KIAA0825: variants seen among roughly 807,000 people sequenced by gnomAD.
KIAA0825 encodes the protein uncharacterized protein KIAA0825.
In KIAA0825, 119 loss-of-function variants were observed where a neutral mutation model predicts 147.6. The ratio of observed to expected loss-of-function variants is 0.81; its 90% CI spans 0.69 to 0.94. KIAA0825 has a LOEUF of 0.94. Among genes scored for constraint, KIAA0825 ranks in the 40% least tolerant of loss-of-function variants. KIAA0825 has a pLI of 0.00. For missense variants in KIAA0825, 1,381 were observed against 1,472.7 expected, an observed-to-expected ratio of 0.94 and a Z score of 1.02; for synonymous variants, 470 against 518.1, an observed-to-expected ratio of 0.91 and a Z score of 1.26.
intron 20 of KIAA0825, among the ~76,000 whole-genome samples, chr5:94,208,303 T>G (rs1031432096): frequency 2.0e-5 from 3 of 152,230 alleles, no homozygotes; most frequent in African/African-American, 4.8e-5. Flanking sequence ...ATGAGAATTC[T>G]GAGCATAAAG....
intron 20 of KIAA0825, among the ~76,000 whole-genome samples, chr5:94,169,441 G>C (rs936397253): frequency 3.9e-5 from 6 of 152,018 alleles, no homozygotes; most frequent in Non-Finnish European, 8.8e-5. Flanking sequence ...AATTAGCGGG[G>C]CATGGTGGCA....
chr5:94,163,572 A>G (rs1018258891), intron 20 of KIAA0825, among the ~76,000 whole-genome samples: 2 of 152,280 alleles, frequency 1.3e-5, no homozygotes, highest in East Asian at 3.9e-4. Flanking sequence ...TTTGATGTAA[A>G]GAGGATGTTA....
chr5:94,239,473 C>T lies in KIAA0825; in HGVS notation c.3711-85349G>A, dbSNP rs73139361. On this transcript the variant is annotated intron_variant, in intron 20 of 20. Coordinates refer to ENST00000682413, the MANE Select transcript of KIAA0825 (RefSeq NM_001145678.3). ...AGTATTTTGTTACTGTTTCTGCACT[C>T]TAAATAGCCCTGTGTAAAGGCACAT... 9.3e-3 allele frequency among the ~76,000 whole-genome samples: 1,412 copies of T among 152,292 alleles called. 23 individuals carry two copies. Among genetic ancestry groups the T allele is most frequent in the African/African-American group, 0.032 (1,326 of 41,544 alleles).
intron 2 of KIAA0825, among the ~76,000 whole-genome samples, chr5:94,543,814 AC>A (rs35759633): frequency 1.3e-5 from 2 of 152,258 alleles, no homozygotes; most frequent in African/African-American, 2.4e-5. Flanking sequence ...CACAAGAGTG[AC>A]CCCGGTCATC....
chr5:94,542,524 C>T (rs923242845), intron 2 of KIAA0825, among the ~76,000 whole-genome samples: 8 of 152,136 alleles, frequency 5.3e-5, no homozygotes, highest in Admixed American at 1.3e-4. Flanking sequence ...AATCTGTTTT[C>T]GGCCGGGCAC....
chr5:94,210,363 T>C (rs1772594429), intron 20 of KIAA0825, among the ~76,000 whole-genome samples: 1 of 152,172 alleles, frequency 6.6e-6, no homozygotes, highest in African/African-American at 2.4e-5. Context: ...AGAAAATCCT[T>C]ATAACATAAT....
chr5:94,442,196 A>C (rs900084026), intron 13 of KIAA0825, among the ~76,000 whole-genome samples: 2 of 152,202 alleles, frequency 1.3e-5, no homozygotes, highest in Non-Finnish European at 2.9e-5. Context: ...AAAATGAAAA[A>C]GTCTCGAAGC....
chr5:94,171,300 G>A (rs115038248), intron 20 of KIAA0825, among the ~76,000 whole-genome samples: 256 of 152,228 alleles, frequency 1.7e-3, no homozygotes, highest in African/African-American at 5.9e-3. Context: ...CTTGTAAGAC[G>A]TGACTTGCTC....
intron 18 of KIAA0825, among the ~76,000 whole-genome samples, chr5:94,389,193 C>T (rs778517058): frequency 6.6e-6 from 1 of 152,138 alleles, no homozygotes; most frequent in African/African-American, 2.4e-5. Flanking sequence ...GATTGAGGCC[C>T]TTTGTTTTGG....
chr5:94,259,955 G>A (rs1776417435), intron 20 of KIAA0825, among the ~76,000 whole-genome samples: 1 of 151,928 alleles, frequency 6.6e-6, no homozygotes, highest in Non-Finnish European at 1.5e-5. Context: ...ATTAGTTTAA[G>A]TGGAAGTTCA....
intron 1 of KIAA0825, among the ~76,000 whole-genome samples, chr5:94,587,355 C>A (rs1584972365): frequency 1.3e-5 from 2 of 152,248 alleles, no homozygotes; most frequent in South Asian, 4.1e-4. Context: ...TCTCAGGATA[C>A]AAAATCAATG....
intron 2 of KIAA0825, among the ~76,000 whole-genome samples, chr5:94,537,853 A>T (rs543072356): frequency 2.0e-5 from 3 of 152,106 alleles, no homozygotes; most frequent in Admixed American, 1.3e-4. Flanking sequence ...GTAGCCTTAG[A>T]CTTTTTGAAG....
intron 2 of KIAA0825, among the ~76,000 whole-genome samples, chr5:94,549,090 G>T (rs1775017792): frequency 6.6e-6 from 1 of 152,156 alleles, no homozygotes; most frequent in Non-Finnish European, 1.5e-5. Flanking sequence ...GGTCCTAATA[G>T]ATATTTATAG....
intron 20 of KIAA0825, among the ~76,000 whole-genome samples, chr5:94,321,997 T>C (rs1238445198): frequency 6.6e-6 from 1 of 151,960 alleles, no homozygotes; most frequent in Non-Finnish European, 1.5e-5. Context: ...AAATTGGTTT[T>C]TACACAACTT....
intron 20 of KIAA0825, among the ~76,000 whole-genome samples, chr5:94,225,335 G>C (rs1429031694): frequency 6.6e-6 from 1 of 152,140 alleles, no homozygotes. Context: ...TATAACTCTT[G>C]GAAATATTGA....
At chr5:94,309,054 A>G (rs1221752107) in intron 20 of KIAA0825, among the ~76,000 whole-genome samples, 1 of 151,812 alleles carries the variant, frequency 6.6e-6, no homozygotes, top group Non-Finnish European at 1.5e-5. Context: ...TGTATAAACA[A>G]TGATACTTTG....
intron 5 of KIAA0825, among the ~76,000 whole-genome samples, chr5:94,490,613 C>A (rs939503065): frequency 2.0e-5 from 3 of 151,740 alleles, no homozygotes; most frequent in Admixed American, 1.3e-4. Flanking sequence ...ATAAAAGGTG[C>A]GCACAGATAT....
intron 5 of KIAA0825, among the ~76,000 whole-genome samples, chr5:94,501,257 A>G (rs1358971608): frequency 6.6e-6 from 1 of 152,256 alleles, no homozygotes; most frequent in African/African-American, 2.4e-5. Context: ...GTACAATACT[A>G]TAAATGTATA....
At chr5:94,460,786 G>A (rs1759724252) in intron 12 of KIAA0825, among the ~76,000 whole-genome samples, 1 of 151,880 alleles carries the variant, frequency 6.6e-6, no homozygotes, top group East Asian at 1.9e-4. Context: ...ACAAAGCAAA[G>A]TATATTTCAA....
Sources: allele counts gnomAD v4.1 joint callset (sites outside exome capture counted in the v4.1 genomes callset), GRCh38; gene constraint gnomAD v4.1.1; transcripts MANE v1.5; gene names NCBI Gene and HGNC (gene_info 2026-07-23, HGNC 2026-07-21).